The following UBE2E3 variants were observed in gnomAD, a reference collection of about 807,000 sequenced individuals.
UBE2E3 encodes the protein ubiquitin-conjugating enzyme E2 E3.
A neutral mutation model predicts 23.6 loss-of-function variants in UBE2E3; 5 were observed. That is an observed-to-expected ratio of 0.21 (90% CI 0.11 to 0.44). UBE2E3 has a LOEUF of 0.44. Among genes scored for constraint, UBE2E3 ranks in the 20% least tolerant of loss-of-function variants. The pLI is 0.99. For synonymous variants in UBE2E3, 78 were observed against 87.5 expected, an observed-to-expected ratio of 0.89 and a Z score of 0.60; for missense variants, 81 against 249.8, an observed-to-expected ratio of 0.32 and a Z score of 4.55.
chr2:181,009,000 G>A (rs1224642621), intron 3 of UBE2E3, among the ~76,000 whole-genome samples: 3 of 149,274 alleles, frequency 2.0e-5, no homozygotes, highest in Non-Finnish European at 3.0e-5. Flanking sequence ...GGATCTTGAT[G>A]CATTAAATAT....
chr2:180,989,352 A>G (rs1314316550), intron 3 of UBE2E3, among the ~76,000 whole-genome samples: 1 of 152,160 alleles, frequency 6.6e-6, no homozygotes, highest in African/African-American at 2.4e-5. Flanking sequence ...TTGCATGTGA[A>G]GGTCTGTTAA....
intron 3 of UBE2E3, chr2:180,989,852 TAAC>T: frequency 2.0e-6 from 3 of 1,532,748 alleles, no homozygotes; most frequent in South Asian, 1.2e-5. Flanking sequence ...TGAGTTGCTG[TAAC>T]AACAGATGGA....
intron 3 of UBE2E3, among the ~76,000 whole-genome samples, chr2:181,021,093 G>A (rs966780042): frequency 3.3e-5 from 5 of 152,284 alleles, no homozygotes; most frequent in Middle Eastern, 3.4e-3. Context: ...GGGAAAGGTG[G>A]TTTACAGAAA....
At chr2:180,990,173 A>G in intron 3 of UBE2E3, 1 of 553,266 alleles carries the variant, frequency 1.8e-6, no homozygotes, top group South Asian at 2.4e-5. Flanking sequence ...CCCCTTCCCC[A>G]GCCACCAGGC....
chr2:180,986,030 A>T (rs1684457354), intron 3 of UBE2E3, among the ~76,000 whole-genome samples: 1 of 152,126 alleles, frequency 6.6e-6, no homozygotes, highest in Non-Finnish European at 1.5e-5. Flanking sequence ...CTTTCTCTTT[A>T]TATACCAGAT....
Position 181,023,981 on chromosome 2 carries a change from G to GAA in UBE2E3, c.246-33711_246-33710dup, listed in dbSNP as rs1275621156. On this transcript the variant is annotated intron_variant, in intron 3 of 5. Transcript: ENST00000410062. ...ACTGTCACAAGTGATAAAGCAATGGGAATACCTGTGTTTTATATTTCTTTT... is the reference window on the plus strand; with the variant it reads ...ACTGTCACAAGTGATAAAGCAATGGGAAAATACCTGTGTTTTATATTTCTTTT... Among the ~76,000 whole-genome samples the GAA allele has an allele frequency of 3.3e-5, 5 of 152,076 alleles. No individual in the cohort carries two copies. The East Asian group carries it at 7.7e-4, about 23-fold the overall frequency.
At position 180,983,958 on chromosome 2, in the gene UBE2E3, G is replaced by T. The variant is rs757057398; in HGVS notation, c.195-85G>T. 9.3e-6 allele frequency: 10 copies of T among 1,070,534 alleles called. No homozygotes were observed. The African/African-American group carries it at 9.5e-5, about 10-fold the overall frequency. 66.3% of individuals were successfully genotyped at this position (1,070,534 alleles called of 1,614,324 possible). A position where few individuals can be genotyped will look rare whatever the true frequency, so the allele number is the denominator to read the frequency against. On this transcript the variant is annotated intron_variant, in intron 2 of 5. Coordinates refer to ENST00000410062, the MANE Select transcript of UBE2E3 (RefSeq NM_006357.4). ...GGCAGAGCCAGCCTTGCATTTAACTGCATGGTGGTAGAGGGCAGTGTAATT... is the reference window on the plus strand; with the variant it reads ...GGCAGAGCCAGCCTTGCATTTAACTTCATGGTGGTAGAGGGCAGTGTAATT...
intron 3 of UBE2E3, among the ~76,000 whole-genome samples, chr2:181,008,651 C>T (rs1685224568): frequency 1.3e-5 from 2 of 152,056 alleles, no homozygotes; most frequent in South Asian, 2.1e-4. Flanking sequence ...CTGGCTGTGG[C>T]GGAGTCTCTA....
chr2:180,987,397 A>G, intron 3 of UBE2E3: 1 of 1,549,878 alleles, frequency 6.5e-7, no homozygotes, highest in Non-Finnish European at 8.7e-7. Flanking sequence ...TTAGAAAGGT[A>G]CTGGATTTCT....
intron 3 of UBE2E3, among the ~76,000 whole-genome samples, chr2:181,050,665 A>G (rs780928807): frequency 6.6e-6 from 1 of 151,840 alleles, no homozygotes; most frequent in Non-Finnish European, 1.5e-5. Flanking sequence ...TGGTGAAGAC[A>G]TTTTAGAAGA....
At chr2:181,045,355 T>A (rs1375324670) in intron 3 of UBE2E3, among the ~76,000 whole-genome samples, 1 of 152,208 alleles carries the variant, frequency 6.6e-6, no homozygotes, top group Non-Finnish European at 1.5e-5. Flanking sequence ...TTCACCACAA[T>A]CTAAAGATGT....
chr2:181,011,447 A>G (rs1239080847), intron 3 of UBE2E3, among the ~76,000 whole-genome samples: 4 of 152,124 alleles, frequency 2.6e-5, no homozygotes. Context: ...TACCTCTCAG[A>G]GGTTCTACTT....
intron 4 of UBE2E3, 72 bp from the exon 5 acceptor site, chr2:181,060,593 C>A: frequency 1.5e-6 from 2 of 1,344,304 alleles, no homozygotes; most frequent in South Asian, 1.6e-5. Flanking sequence ...TATTACCCTT[C>A]ATTTTTTTTT....
chr2:181,000,388 C>G (rs1475929359), intron 3 of UBE2E3, among the ~76,000 whole-genome samples: 2 of 152,006 alleles, frequency 1.3e-5, no homozygotes, highest in Non-Finnish European at 2.9e-5. Flanking sequence ...TGCAAATAGG[C>G]ATATATATTA....
At chr2:181,019,226 C>T (rs951811092) in intron 3 of UBE2E3, among the ~76,000 whole-genome samples, 2 of 152,160 alleles carry the variant, frequency 1.3e-5, no homozygotes, top group Admixed American at 6.5e-5. Context: ...TCCCAAAATG[C>T]TGGGATTACA....
intron 3 of UBE2E3, among the ~76,000 whole-genome samples, chr2:180,986,170 T>C (rs1015594001): frequency 6.6e-6 from 1 of 152,282 alleles, no homozygotes; most frequent in Non-Finnish European, 1.5e-5. Context: ...CAACCTGTGA[T>C]GACTATCAAC....
At chr2:181,008,936 A>G (rs1373781964) in intron 3 of UBE2E3, among the ~76,000 whole-genome samples, 2 of 148,796 alleles carry the variant, frequency 1.3e-5, no homozygotes, top group African/African-American at 2.5e-5. Flanking sequence ...AGACTAGGGT[A>G]TAATTTGTTT....
intron 3 of UBE2E3, among the ~76,000 whole-genome samples, chr2:181,004,617 C>T (rs914241203): frequency 1.3e-5 from 2 of 151,312 alleles, no homozygotes; most frequent in Admixed American, 6.6e-5. Flanking sequence ...TGGCGAAGAG[C>T]GAGACTCCAT....
At chr2:181,029,900 A>G (rs912667448) in intron 3 of UBE2E3, among the ~76,000 whole-genome samples, 42 of 147,036 alleles carry the variant, frequency 2.9e-4, no homozygotes, top group African/African-American at 9.9e-4. Flanking sequence ...GCAGTGGTGC[A>G]GTCTCGGCTC....
Sources: allele counts gnomAD v4.1 joint callset (sites outside exome capture counted in the v4.1 genomes callset), GRCh38; gene constraint gnomAD v4.1.1; transcripts MANE v1.5; gene names NCBI Gene and HGNC (gene_info 2026-07-23, HGNC 2026-07-21).